Variants in DPYD observed in about 807,000 individuals in gnomAD.
DPYD encodes dihydropyrimidine dehydrogenase, also known as dihydropyrimidine dehydrogenase [NADP(+)].
A neutral mutation model predicts 116.2 loss-of-function variants in DPYD; 109 were observed. The ratio of observed to expected loss-of-function variants is 0.94; its 90% CI spans 0.80 to 1.10. The LOEUF is 1.10. Among genes scored for constraint, DPYD ranks in the 50% least tolerant of loss-of-function variants. The pLI is 0.00. For missense variants in DPYD, 1,302 were observed against 1,254.5 expected (o/e 1.04, Z -0.57); for synonymous variants, 440 against 432.0 (o/e 1.02, Z -0.23).
intron 18 of DPYD, among the ~76,000 whole-genome samples, chr1:97,288,711 C>A (rs1363186553): frequency 7.0e-6 from 1 of 143,178 alleles, no homozygotes; most frequent in African/African-American, 2.6e-5. Flanking sequence ...ATTTATAGCA[C>A]TAAATGCCCA....
At chr1:97,114,371 T>C (rs543733244) in intron 20 of DPYD, among the ~76,000 whole-genome samples, 5 of 152,302 alleles carry the variant, frequency 3.3e-5, no homozygotes, top group Admixed American at 3.3e-4. Context: ...ATGTACATTA[T>C]ATATTTGTAT....
intron 14 of DPYD, among the ~76,000 whole-genome samples, chr1:97,428,662 C>G (rs1570718895): frequency 6.6e-6 from 1 of 152,004 alleles, no homozygotes; most frequent in East Asian, 1.9e-4. Flanking sequence ...ATAACAACAA[C>G]AAAATCTACT....
At chr1:97,528,690 T>C (rs1257688833) in intron 12 of DPYD, among the ~76,000 whole-genome samples, 1 of 152,192 alleles carries the variant, frequency 6.6e-6, no homozygotes, top group Non-Finnish European at 1.5e-5. Context: ...AATTGTATTA[T>C]TTTTGATATT....
chr1:97,413,237 C>T lies in DPYD; in HGVS notation c.1906-30776G>A, dbSNP rs138019624. On this transcript the variant is annotated intron_variant, in intron 14 of 22. Coordinates refer to ENST00000370192, the MANE Select transcript of DPYD (RefSeq NM_000110.4). Reference sequence around the variant, plus strand: ...GATGTTCTTTCTTGAGACCATGCTGCGTTTTCTCTGCTCAGTGAGGGACAG... The same window carrying T: ...GATGTTCTTTCTTGAGACCATGCTGTGTTTTCTCTGCTCAGTGAGGGACAG... Among the ~76,000 whole-genome samples the T allele has an allele frequency of 1.8e-3, 279 of 152,214 alleles. 1 individual carries two copies. The highest frequency in any genetic ancestry group is 6.5e-3 in the African/African-American group (271 of 41,548).
In DPYD at chr1:97,079,085, G is replaced by A. The variant is rs1648977030; in HGVS notation, c.2969C>T (p.Thr990Ile). Residue 990 changes from threonine to isoleucine, a missense_variant, in exon 23 of 23, where the codon ACT becomes ATT. Coordinates refer to ENST00000370192, the MANE Select transcript of DPYD (RefSeq NM_000110.4). ...PTITDTCTGCTLCLSVCPIVD... is the reference protein window; with the variant it reads ...PTITDTCTGCILCLSVCPIVD... ...AATAGGGCAAACACTGAGACACAGA[G>A]TACAGCCTGTACAAGTGTCGGTTAT... The A allele has an allele frequency of 1.2e-6, 2 of 1,613,768 alleles. No individual in the cohort carries two copies. The highest frequency in any genetic ancestry group is 1.1e-5 in the South Asian group (1 of 91,074).
intron 11 of DPYD, among the ~76,000 whole-genome samples, chr1:97,555,953 C>T (rs955311617): frequency 2.0e-4 from 30 of 152,200 alleles, no homozygotes; most frequent in African/African-American, 7.2e-4. Context: ...TCCACATCTG[C>T]ATTTGACTCC....
At chr1:97,232,068 A>G (rs1661619671) in intron 19 of DPYD, among the ~76,000 whole-genome samples, 1 of 152,138 alleles carries the variant, frequency 6.6e-6, no homozygotes, top group Admixed American at 6.6e-5. Flanking sequence ...TTTCTTCTGA[A>G]AAAGCTTTCT....
intron 12 of DPYD, among the ~76,000 whole-genome samples, chr1:97,543,412 T>G (rs1650594741): frequency 6.6e-6 from 1 of 152,216 alleles, no homozygotes; most frequent in African/African-American, 2.4e-5. Context: ...TGCCTCCACT[T>G]TCTCCCAACA....
intron 2 of DPYD, among the ~76,000 whole-genome samples, chr1:97,835,285 A>T (rs1362941458): frequency 6.6e-6 from 1 of 152,130 alleles, no homozygotes; most frequent in Non-Finnish European, 1.5e-5. Flanking sequence ...TGAAGGTATC[A>T]ATGAAGATGA....
chr1:97,408,063 GC>G lies in DPYD; in HGVS notation c.1906-25603del, dbSNP rs199827775. ...CATGGAATACAGGAGATCCCTTAGG[GC>G]ATCTCTTACTATTACCATGCCCTAT... On this transcript the variant is annotated intron_variant, in intron 14 of 22. Coordinates refer to ENST00000370192, the MANE Select transcript of DPYD (RefSeq NM_000110.4). 7.6e-3 allele frequency among the ~76,000 whole-genome samples: 1,164 copies of G among 152,232 alleles called. 17 individuals carry two copies. Among genetic ancestry groups the G allele is most frequent in the African/African-American group, 0.027 (1,112 of 41,542 alleles).
chr1:97,767,531 G>T (rs756345643), intron 3 of DPYD, among the ~76,000 whole-genome samples: 1 of 152,002 alleles, frequency 6.6e-6, no homozygotes, highest in African/African-American at 2.4e-5. Flanking sequence ...CTATGTGAGC[G>T]ACTCCTAATT....
chr1:97,914,635 T>G (rs1039071704), intron 1 of DPYD, among the ~76,000 whole-genome samples: 6 of 152,146 alleles, frequency 3.9e-5, no homozygotes, highest in Non-Finnish European at 8.8e-5. Context: ...TAGATGTGAA[T>G]AGTCATGTAT....
chr1:97,565,337 T>C (rs983264755), intron 11 of DPYD, among the ~76,000 whole-genome samples: 5 of 152,114 alleles, frequency 3.3e-5, no homozygotes, highest in Non-Finnish European at 5.9e-5. Flanking sequence ...CTGCTAGAAT[T>C]ACCTCATTCA....
intron 14 of DPYD, among the ~76,000 whole-genome samples, chr1:97,414,346 C>A (rs1674173267): frequency 6.6e-6 from 1 of 152,134 alleles, no homozygotes; most frequent in Admixed American, 6.5e-5. Flanking sequence ...CTATTTAAGG[C>A]AAATATACAG....
At chr1:97,121,662 A>T (rs189522426) in intron 20 of DPYD, among the ~76,000 whole-genome samples, 1 of 152,306 alleles carries the variant, frequency 6.6e-6, no homozygotes, top group Non-Finnish European at 1.5e-5. Context: ...TTTGAACTCT[A>T]CAAGAGCTGA....
At chr1:97,147,316 C>T (rs1168310704) in intron 20 of DPYD, among the ~76,000 whole-genome samples, 1 of 152,058 alleles carries the variant, frequency 6.6e-6, no homozygotes, top group South Asian at 2.1e-4. Flanking sequence ...GCCACTGACT[C>T]CAGCCTGGTG....
intron 13 of DPYD, among the ~76,000 whole-genome samples, chr1:97,465,638 C>T (rs183312408): frequency 3.9e-5 from 6 of 152,266 alleles, no homozygotes; most frequent in African/African-American, 9.6e-5. Context: ...GTAAGTAAGA[C>T]GTGACTTGCT....
intron 12 of DPYD, among the ~76,000 whole-genome samples, chr1:97,531,892 G>A (rs1390837175): frequency 6.6e-6 from 1 of 151,980 alleles, no homozygotes; most frequent in African/African-American, 2.4e-5. Flanking sequence ...ATTGTAAATG[G>A]ATTTTTTTCT....
At chr1:97,509,964 T>G (rs969048900) in intron 13 of DPYD, among the ~76,000 whole-genome samples, 1 of 151,912 alleles carries the variant, frequency 6.6e-6, no homozygotes, top group South Asian at 2.1e-4. Flanking sequence ...TATGATGATA[T>G]CACCATGAGT....
Sources: allele counts gnomAD v4.1 joint callset (sites outside exome capture counted in the v4.1 genomes callset), GRCh38; gene constraint gnomAD v4.1.1; transcripts MANE v1.5; gene names NCBI Gene and HGNC (gene_info 2026-07-23, HGNC 2026-07-21).